The following GPHN variants were observed in gnomAD, a reference collection of about 807,000 sequenced individuals.
The protein encoded by GPHN is gephyrin.
Under a neutral mutation model 95.5 loss-of-function variants are expected in GPHN, and 17 were observed. The ratio of observed to expected loss-of-function variants is 0.18; its 90% CI spans 0.12 to 0.27. The LOEUF is 0.27. GPHN is among the 10% of genes least tolerant of loss of function. GPHN has a pLI of 1.00. For synonymous variants in GPHN, 320 were observed against 322.5 expected, an observed-to-expected ratio of 0.99 and a Z score of 0.08; for missense variants, 660 against 978.1, an observed-to-expected ratio of 0.67 and a Z score of 4.34.
the GPHN span, among the ~76,000 whole-genome samples, chr14:67,596,448 G>A: frequency 6.6e-6 from 1 of 151,782 alleles, no homozygotes; most frequent in Non-Finnish European, 1.5e-5. Context: ...GCAAAGCTAT[G>A]ATTTAGAAGA....
At chr14:67,725,236 G>C in the GPHN span, 2 of 1,613,522 alleles carry the variant, frequency 1.2e-6, no homozygotes, top group Non-Finnish European at 1.7e-6. Context: ...CCGAGCCTTT[G>C]CTGAGGGCTT....
chr14:67,269,454 T>G, the GPHN span, among the ~76,000 whole-genome samples: 2 of 152,128 alleles, frequency 1.3e-5, no homozygotes, highest in African/African-American at 2.4e-5. Flanking sequence ...CTGTTTCCAA[T>G]GTGTTATTGG....
chr14:67,320,417 C>T, the GPHN span: 1 of 1,570,766 alleles, frequency 6.4e-7, no homozygotes, highest in Admixed American at 1.9e-5. Context: ...AATGCATTCC[C>T]ATTTTCCTGT....
At chr14:66,973,477 G>A (rs2069959792) in intron 9 of GPHN, among the ~76,000 whole-genome samples, 1 of 152,212 alleles carries the variant, frequency 6.6e-6, no homozygotes, top group Non-Finnish European at 1.5e-5. Flanking sequence ...TTAAGAAATA[G>A]GCCAGACGTG....
chr14:67,504,176 G>C, the GPHN span, among the ~76,000 whole-genome samples: 4 of 151,988 alleles, frequency 2.6e-5, no homozygotes, highest in African/African-American at 7.2e-5. Flanking sequence ...ACCATGCCCA[G>C]ATAATTTTTG....
chr14:66,948,292 TA>T (rs566540021), intron 8 of GPHN, among the ~76,000 whole-genome samples: 7 of 150,926 alleles, frequency 4.6e-5, no homozygotes, highest in African/African-American at 9.7e-5. Context: ...ATATTCCTTG[TA>T]AAAAAAAACA....
intron 8 of GPHN, among the ~76,000 whole-genome samples, chr14:66,951,619 A>C (rs759836732): frequency 1.3e-5 from 2 of 152,176 alleles, no homozygotes; most frequent in Non-Finnish European, 2.9e-5. Context: ...ATAGTGTTGA[A>C]CAAGAAAAAG....
intron 1 of GPHN, among the ~76,000 whole-genome samples, chr14:66,592,842 A>G (rs948199228): frequency 6.6e-6 from 1 of 152,228 alleles, no homozygotes; most frequent in Admixed American, 6.5e-5. Flanking sequence ...ATAAGGACAC[A>G]TGCACACATA....
chr14:66,743,511 C>T (rs968958615), intron 2 of GPHN, among the ~76,000 whole-genome samples: 2 of 151,832 alleles, frequency 1.3e-5, no homozygotes, highest in African/African-American at 4.8e-5. Flanking sequence ...CCGAGGCGGG[C>T]GGATCACGAG....
intron 4 of GPHN, among the ~76,000 whole-genome samples, chr14:66,844,569 CA>C (rs888424015): frequency 9.2e-5 from 14 of 151,504 alleles, no homozygotes; most frequent in African/African-American, 2.9e-4. Flanking sequence ...TTTATTTTTA[CA>C]AAAAAATCTA....
At chr14:67,725,622 A>G in the GPHN span, among the ~76,000 whole-genome samples, 1 of 152,204 alleles carries the variant, frequency 6.6e-6, no homozygotes, top group Non-Finnish European at 1.5e-5. Context: ...ATCTTGGAAA[A>G]TGACCAGCTT....
the GPHN span, chr14:67,727,141 C>T: frequency 6.2e-7 from 1 of 1,614,128 alleles, no homozygotes; most frequent in Non-Finnish European, 8.5e-7. Flanking sequence ...ATTGCCACAG[C>T]AAGCTGGCCA....
chr14:67,695,292 G>C, the GPHN span, among the ~76,000 whole-genome samples: 1 of 152,170 alleles, frequency 6.6e-6, no homozygotes, highest in Non-Finnish European at 1.5e-5. Flanking sequence ...ACAGCGTCGG[G>C]CCATATCCCA....
chr14:67,231,708 C>T, the GPHN span, among the ~76,000 whole-genome samples: 1 of 152,154 alleles, frequency 6.6e-6, no homozygotes, highest in East Asian at 1.9e-4. Context: ...TGGCTCACGC[C>T]TGTAATCCCA....
intron 3 of GPHN, among the ~76,000 whole-genome samples, chr14:66,786,554 C>G (rs1373792782): frequency 6.6e-6 from 1 of 151,790 alleles, no homozygotes; most frequent in African/African-American, 2.4e-5. Context: ...AATGTTGATA[C>G]CAAAAACAGA....
At chr14:67,540,366 C>T in the GPHN span, among the ~76,000 whole-genome samples, 1 of 152,080 alleles carries the variant, frequency 6.6e-6, no homozygotes, top group East Asian at 1.9e-4. Context: ...TGGCTCACAC[C>T]TGTAATCCCA....
chr14:66,883,539 C>A (rs575374507), intron 5 of GPHN, among the ~76,000 whole-genome samples: 1 of 152,136 alleles, frequency 6.6e-6, no homozygotes, highest in African/African-American at 2.4e-5. Flanking sequence ...CCCATGAGAA[C>A]TGGTCAAATT....
At chr14:67,252,732 C>T in the GPHN span, among the ~76,000 whole-genome samples, 2 of 152,132 alleles carry the variant, frequency 1.3e-5, no homozygotes, top group African/African-American at 4.8e-5. Context: ...AAAAAAAGCT[C>T]GGAATGGCAC....
intron 1 of GPHN, among the ~76,000 whole-genome samples, chr14:66,519,937 A>G (rs79363280): frequency 4.6e-5 from 7 of 152,268 alleles, no homozygotes; most frequent in African/African-American, 1.7e-4. Flanking sequence ...AGTGCAGTAA[A>G]TGAACAGGCT....
Sources: allele counts gnomAD v4.1 joint callset (sites outside exome capture counted in the v4.1 genomes callset), GRCh38; gene constraint gnomAD v4.1.1; transcripts MANE v1.5; gene names NCBI Gene and HGNC (gene_info 2026-07-23, HGNC 2026-07-21).